MYO3A: variants seen among roughly 807,000 people sequenced by gnomAD.
The protein encoded by MYO3A is myosin-IIIa.
Under a neutral mutation model 192.7 loss-of-function variants are expected in MYO3A, and 180 were observed. The observed-to-expected ratio is 0.93, with a 90% CI of 0.83 to 1.06. The LOEUF (loss-of-function observed/expected upper bound fraction) is 1.06. MYO3A is among the 50% of genes least tolerant of loss of function. The pLI is 0.00. For synonymous variants in MYO3A, 628 were observed against 645.3 expected (o/e 0.97, Z 0.41); for missense variants, 1,896 against 1,905.0 (o/e 1.00, Z 0.09).
chr10:26,165,787 T>C (rs1477630157), intron 26 of MYO3A: 10 of 480,000 alleles, frequency 2.1e-5, no homozygotes, highest in Non-Finnish European at 2.6e-5. Context: ...CTAATTTTTT[T>C]GACTGATGGA....
chr10:26,203,522 C>G (rs561629364), intron 34 of MYO3A, among the ~76,000 whole-genome samples: 1 of 152,132 alleles, frequency 6.6e-6, no homozygotes, highest in Non-Finnish European at 1.5e-5. Context: ...TCAATGATGT[C>G]AGACCCAAAA....
intron 4 of MYO3A, among the ~76,000 whole-genome samples, chr10:25,995,004 C>A (rs141199923): frequency 6.6e-6 from 1 of 152,024 alleles, no homozygotes; most frequent in Non-Finnish European, 1.5e-5. Context: ...TTGCTCTTCT[C>A]GAGGAGTATC....
At chr10:26,185,329 CTTTTTTTTTTT>C (rs61581382) in intron 31 of MYO3A, among the ~76,000 whole-genome samples, 4 of 63,856 alleles carry the variant, frequency 6.3e-5, no homozygotes, top group Non-Finnish European at 9.1e-5. Flanking sequence ...TTCCAGGATT[CTTTTTTTTTTT>C]TTTTTTTTTT....
chr10:26,206,155 G>C (rs1178903360), intron 34 of MYO3A, among the ~76,000 whole-genome samples: 1 of 151,400 alleles, frequency 6.6e-6, no homozygotes, highest in African/African-American at 2.4e-5. Context: ...CTGCCTCCCA[G>C]GTTCAAGCGA....
intron 17 of MYO3A, among the ~76,000 whole-genome samples, chr10:26,118,447 A>G (rs1318058800): frequency 6.6e-6 from 1 of 152,108 alleles, no homozygotes. Flanking sequence ...ATTTACTGTT[A>G]TATCCAAGCC....
intron 27 of MYO3A, among the ~76,000 whole-genome samples, chr10:26,167,191 A>G (rs899422517): frequency 2.6e-5 from 4 of 152,188 alleles, no homozygotes; most frequent in African/African-American, 7.2e-5. Flanking sequence ...ACAAACTCCC[A>G]TATTTGCAAA....
chr10:26,208,654 A>G (rs1175211863), intron 34 of MYO3A, among the ~76,000 whole-genome samples: 1 of 152,236 alleles, frequency 6.6e-6, no homozygotes, highest in African/African-American at 2.4e-5. Flanking sequence ...CTGCTCCTTC[A>G]ATACCCATCA....
intron 14 of MYO3A, among the ~76,000 whole-genome samples, chr10:26,085,443 A>G (rs1276262242): frequency 6.6e-6 from 1 of 151,998 alleles, no homozygotes. Context: ...TAGGCTTGGT[A>G]TGTTGTGTTT....
chr10:26,132,083 A>G lies in MYO3A; in HGVS notation c.2262+3545A>G, dbSNP rs573029933. Among the ~76,000 whole-genome samples, 8 of 152,240 alleles carry G rather than the reference A, an allele frequency of 5.3e-5. No individual in the cohort carries two copies. In the South Asian group the frequency reaches 1.4e-3, roughly 28 times the overall value. ...TTTATTTTGCAGCTCAAATGGCAGTATTCCATTGCCAAGAAAGGAAGTGTT... is the reference window on the plus strand; with the variant it reads ...TTTATTTTGCAGCTCAAATGGCAGTGTTCCATTGCCAAGAAAGGAAGTGTT... On this transcript the variant is annotated intron_variant, in intron 20 of 34. Coordinates refer to ENST00000642920, the MANE Select transcript of MYO3A (RefSeq NM_017433.5).
chr10:26,139,157 A>G (rs1840011615), intron 20 of MYO3A, among the ~76,000 whole-genome samples: 1 of 152,194 alleles, frequency 6.6e-6, no homozygotes, highest in African/African-American at 2.4e-5. Flanking sequence ...TTCCCCCAAA[A>G]TCTATCCTCT....
intron 4 of MYO3A, among the ~76,000 whole-genome samples, chr10:25,959,426 A>G (rs1187209332): frequency 6.6e-6 from 1 of 152,138 alleles, no homozygotes; most frequent in Non-Finnish European, 1.5e-5. Flanking sequence ...CCTTCTCCTG[A>G]GCAGTCCACA....
At chr10:25,999,776 A>G (rs1363726129) in intron 6 of MYO3A, among the ~76,000 whole-genome samples, 2 of 152,190 alleles carry the variant, frequency 1.3e-5, no homozygotes, top group East Asian at 3.8e-4. Flanking sequence ...GCTACATATA[A>G]AGAGTTTCTT....
At chr10:26,068,664 C>A in intron 11 of MYO3A, 104 bp from the exon 12 acceptor site, 1 of 733,998 alleles carries the variant, frequency 1.4e-6, no homozygotes, top group Non-Finnish European at 2.3e-6. Context: ...TTTTCTAATC[C>A]TTCGTCCAGA....
rs368431819 is a variant in MYO3A, at chr10:26,070,286, G to A, written c.1276-32G>A. 20 of 1,607,158 alleles carry A rather than the reference G, an allele frequency of 1.2e-5. No individual in the cohort carries two copies. The African/African-American group carries it at 2.5e-4, about 20-fold the overall frequency. ...AAATGTCACTTAATTTTGAGGATAA[G>A]GTCTTCTCACAGTTTTCTTTTCTAT... On this transcript the variant is annotated intron_variant, in intron 13 of 34. Coordinates refer to ENST00000642920, the MANE Select transcript of MYO3A (RefSeq NM_017433.5).
At chr10:26,038,485 C>G (rs1229528570) in intron 10 of MYO3A, among the ~76,000 whole-genome samples, 1 of 152,066 alleles carries the variant, frequency 6.6e-6, no homozygotes, top group Non-Finnish European at 1.5e-5. Flanking sequence ...TTTCTTGATT[C>G]CTTTTTCACA....
rs797008556 is a variant in MYO3A at position 25,954,916 on chromosome 10, G to A, written c.211G>A (p.Ala71Thr). The A allele has an allele frequency of 1.9e-6, 3 of 1,612,398 alleles. No individual in the cohort carries two copies. In the African/African-American group the frequency reaches 4.0e-5, roughly 22 times the overall value. The change falls in exon 4 of 35, where the codon GCA (alanine) becomes ACA (threonine). Residue 71 changes from alanine to threonine, a missense_variant. Physicochemically the swap from Ala to Thr is moderately conservative, Grantham distance 58. Transcript: ENST00000642920. Reference protein sequence around the residue: ...EIEAEYNILKALSDHPNVVRF... With the variant: ...EIEAEYNILKTLSDHPNVVRF... ...TGAAGCAGAATATAACATCTTAAAA[G>A]CACTTTCTGACCACCCTAATGTGGT...
rs765271639 is a variant in MYO3A at position 26,176,796 on chromosome 10, G to C, written c.4389G>C (p.Ser1463=). ...QQLKSLYLGV[S]HHKPINRRVS... is the part of the protein sequence containing the mutation. The stretch of plus-strand genomic sequence containing the variant: ...TGAAGTCACTTTATCTGGGTGTCTC[G>C]CACCATAAGCCAATTAATAGACGAG... Residue 1463 remains serine, a synonymous_variant, in exon 31 of 35, where the codon TCG becomes TCC. Coordinates refer to ENST00000642920, the MANE Select transcript of MYO3A (RefSeq NM_017433.5). The C allele has an allele frequency of 1.2e-6, 2 of 1,614,072 alleles. No individual in the cohort carries two copies. Among genetic ancestry groups the C allele is most frequent in the Non-Finnish European group, 1.7e-6 (2 of 1,179,966 alleles).
At chr10:26,199,323 T>A (rs1460440369) in intron 32 of MYO3A, among the ~76,000 whole-genome samples, 1 of 151,846 alleles carries the variant, frequency 6.6e-6, no homozygotes, top group Admixed American at 6.6e-5. Flanking sequence ...GAGGCCGAGG[T>A]GGGTGGATTG....
intron 24 of MYO3A, 104 bp from the exon 25 acceptor site, chr10:26,154,642 G>T: frequency 1.0e-6 from 1 of 986,204 alleles, no homozygotes; most frequent in South Asian, 1.4e-5. Flanking sequence ...TTACATATTT[G>T]AATGCATAAA....
Sources: gnomAD v4.1 joint callset for allele counts (sites outside exome capture counted in the v4.1 genomes callset) on GRCh38, gnomAD v4.1.1 for gene constraint, MANE v1.5 for transcripts, NCBI Gene and HGNC (gene_info 2026-07-23, HGNC 2026-07-21) for gene names.